SLC4A4: variants seen among roughly 807,000 people sequenced by gnomAD.
SLC4A4 encodes the protein solute carrier family 4 member 4.
In SLC4A4, 27 loss-of-function variants were observed where a neutral mutation model predicts 111.5. The ratio of observed to expected loss-of-function variants is 0.24; its 90% CI spans 0.18 to 0.33. The LOEUF (loss-of-function observed/expected upper bound fraction) is 0.33. SLC4A4 is among the 10% of genes least tolerant of loss of function. The pLI is 1.00. For missense variants in SLC4A4, 909 were observed against 1,315.5 expected (o/e 0.69, Z 4.78); for synonymous variants, 443 against 463.4 (o/e 0.96, Z 0.57).
chr4:71,339,089 G>T lies in SLC4A4; in HGVS notation c.254-281G>T, dbSNP rs940661163. The T allele has an allele frequency of 3.1e-6, 5 of 1,587,454 alleles. No homozygotes were observed. In the African/African-American group the frequency reaches 6.7e-5, roughly 21 times the overall value. On this transcript the variant is annotated intron_variant, in intron 3 of 25. Transcript: ENST00000264485. ...TGAGTGGTTAGACCTCAGCTCATCT[G>T]AGGGCTAAAGGTTCTTTGTGACACA...
At chr4:71,440,106 T>G (rs1724581804) in intron 7 of SLC4A4, among the ~76,000 whole-genome samples, 1 of 152,272 alleles carries the variant, frequency 6.6e-6, no homozygotes, top group Non-Finnish European at 1.5e-5. Context: ...ATGTATTTCT[T>G]CAGAGGCCTT....
chr4:71,232,774 C>T (rs1045438490), intron 1 of SLC4A4, among the ~76,000 whole-genome samples: 5 of 152,084 alleles, frequency 3.3e-5, no homozygotes, highest in African/African-American at 9.7e-5. Flanking sequence ...CAAGGCTAAA[C>T]ATTTTAGTTA....
rs1008135310 is a variant in SLC4A4 at position 71,206,845 on chromosome 4, A to G, written c.-2+19444A>G. Among the ~76,000 whole-genome samples the G allele has an allele frequency of 7.3e-5, 11 of 151,614 alleles. 1 individual carries two copies. The highest frequency in any genetic ancestry group is 6.6e-4 in the Admixed American group (10 of 15,218). Reference sequence around the variant, plus strand: ...ATTATTTTAGAAGGAGAGGTTTCCGACCCTAGTGATTGGTTTGGGGTTTCA... The same window carrying G: ...ATTATTTTAGAAGGAGAGGTTTCCGGCCCTAGTGATTGGTTTGGGGTTTCA... On this transcript the variant is annotated intron_variant, in intron 1 of 25. Coordinates refer to ENST00000264485, the MANE Select transcript of SLC4A4 (RefSeq NM_001098484.3).
chr4:71,068,062 GT>G (rs34542882), intron 1 of SLC4A4, among the ~76,000 whole-genome samples: 43 of 136,316 alleles, frequency 3.2e-4, no homozygotes, highest in East Asian at 1.7e-3. Flanking sequence ...TTGAACAAAC[GT>G]TTTTTTTTTT....
chr4:71,410,781 T>C (rs751274534), intron 7 of SLC4A4, among the ~76,000 whole-genome samples: 6 of 152,212 alleles, frequency 3.9e-5, no homozygotes, highest in Non-Finnish European at 8.8e-5. Context: ...AATCTGAATT[T>C]AGAATGATTC....
chr4:71,220,446 A>G (rs937585798), intron 1 of SLC4A4, among the ~76,000 whole-genome samples: 1 of 152,060 alleles, frequency 6.6e-6, no homozygotes, highest in Non-Finnish European at 1.5e-5. Flanking sequence ...CGAACCTGCA[A>G]CATCTCTGAC....
intron 3 of SLC4A4, among the ~76,000 whole-genome samples, chr4:71,324,725 A>G (rs1396162749): frequency 1.3e-5 from 2 of 152,046 alleles, no homozygotes; most frequent in African/African-American, 2.4e-5. Flanking sequence ...ACCTGAATCC[A>G]TGTAACGTTT....
At chr4:71,354,057 A>G (rs1238664384) in intron 5 of SLC4A4, among the ~76,000 whole-genome samples, 1 of 152,248 alleles carries the variant, frequency 6.6e-6, no homozygotes, top group Non-Finnish European at 1.5e-5. Flanking sequence ...AGTATTATAA[A>G]GGATAAAACA....
At chr4:71,151,314 A>T (rs1230251347) in intron 2 of SLC4A4, among the ~76,000 whole-genome samples, 1 of 152,138 alleles carries the variant, frequency 6.6e-6, no homozygotes, top group Non-Finnish European at 1.5e-5. Context: ...CATATAGACT[A>T]TATCAACGGT....
At chr4:71,275,630 C>A (rs1723015525) in intron 3 of SLC4A4, among the ~76,000 whole-genome samples, 1 of 152,212 alleles carries the variant, frequency 6.6e-6, no homozygotes, top group South Asian at 2.1e-4. Context: ...AGACACATCA[C>A]AAATTACCTA....
chr4:71,222,393 C>A (rs1718800267), intron 1 of SLC4A4, among the ~76,000 whole-genome samples: 1 of 152,194 alleles, frequency 6.6e-6, no homozygotes, highest in Non-Finnish European at 1.5e-5. Context: ...TAAAACTGCA[C>A]CACTACCCAG....
intron 16 of SLC4A4, among the ~76,000 whole-genome samples, chr4:71,531,272 T>TTTAATGC (rs1733891210): frequency 6.6e-6 from 1 of 152,104 alleles, no homozygotes; most frequent in South Asian, 2.1e-4. Context: ...ATGGTCATAG[T>TTTAATGC]TTAATGCTGT....
At chr4:71,228,588 A>T (rs541715387) in intron 1 of SLC4A4, among the ~76,000 whole-genome samples, 29 of 152,226 alleles carry the variant, frequency 1.9e-4, no homozygotes, top group Non-Finnish European at 4.0e-4. Context: ...CAAAGTGTGC[A>T]TCTGGGATTT....
chr4:71,382,996 C>T (rs1718301651), intron 6 of SLC4A4, among the ~76,000 whole-genome samples: 1 of 152,268 alleles, frequency 6.6e-6, no homozygotes, highest in East Asian at 1.9e-4. Context: ...TTTAAATGCA[C>T]CTTTGCCCAC....
chr4:71,222,377 C>T lies in SLC4A4; in HGVS notation c.-1-14199C>T, dbSNP rs558457729. ...CACTCGTTGAGGCCTTTCTTAACTACCTATTTAAAACTGCACCACTACCCA... is the reference window on the plus strand; with the variant it reads ...CACTCGTTGAGGCCTTTCTTAACTATCTATTTAAAACTGCACCACTACCCA... On this transcript the variant is annotated intron_variant, in intron 1 of 25. Coordinates refer to ENST00000264485, the MANE Select transcript of SLC4A4 (RefSeq NM_001098484.3). Among the ~76,000 whole-genome samples, 47 of 152,314 alleles carry T rather than the reference C, an allele frequency of 3.1e-4. No homozygotes were observed. In the South Asian group the frequency reaches 9.5e-3, roughly 31 times the overall value.
At chr4:71,108,165 AT>A (rs1742995527) in intron 2 of SLC4A4, among the ~76,000 whole-genome samples, 1 of 152,230 alleles carries the variant, frequency 6.6e-6, no homozygotes, top group Non-Finnish European at 1.5e-5. Context: ...AATCTCCTAA[AT>A]TATGTAGAAA....
intron 1 of SLC4A4, among the ~76,000 whole-genome samples, chr4:71,210,178 C>T (rs924121269): frequency 6.6e-6 from 1 of 152,150 alleles, no homozygotes; most frequent in Non-Finnish European, 1.5e-5. Context: ...TGCATGTTGG[C>T]CTGAGCACTG....
chr4:71,560,601 G>C (rs1352907141), intron 23 of SLC4A4, among the ~76,000 whole-genome samples: 1 of 151,524 alleles, frequency 6.6e-6, no homozygotes, highest in Non-Finnish European at 1.5e-5. Context: ...AATAACCCAG[G>C]GCTTATATTT....
At chr4:71,448,258 T>G (rs575650313) in intron 9 of SLC4A4, among the ~76,000 whole-genome samples, 10 of 150,090 alleles carry the variant, frequency 6.7e-5, no homozygotes, top group African/African-American at 2.5e-4. Flanking sequence ...ATGCAGAGGT[T>G]GCAGTGAGCT....
Sources: allele counts gnomAD v4.1 joint callset (sites outside exome capture counted in the v4.1 genomes callset), GRCh38; gene constraint gnomAD v4.1.1; transcripts MANE v1.5; gene names NCBI Gene and HGNC (gene_info 2026-07-23, HGNC 2026-07-21).